Variants in NLGN1 observed in about 807,000 individuals in gnomAD.
NLGN1 encodes the protein neuroligin-1.
In NLGN1, 12 loss-of-function variants were observed where a neutral mutation model predicts 65.5. That is an observed-to-expected ratio of 0.18 (90% CI 0.12 to 0.30). The LOEUF is 0.30. Among genes scored for constraint, NLGN1 ranks in the 10% least tolerant of loss-of-function variants. NLGN1 has a pLI of 1.00. For missense variants in NLGN1, 750 were observed against 1,007.1 expected (o/e 0.74, Z 3.46); for synonymous variants, 350 against 359.5 (o/e 0.97, Z 0.30).
intron 4 of NLGN1, among the ~76,000 whole-genome samples, chr3:174,161,863 A>G (rs528895479): frequency 1.8e-3 from 267 of 151,966 alleles, no homozygotes; most frequent in Non-Finnish European, 3.0e-3. Flanking sequence ...CAATTTCTAT[A>G]TGTATTGAAA....
At chr3:174,257,694 G>A (rs1746050068) in intron 4 of NLGN1, among the ~76,000 whole-genome samples, 2 of 151,888 alleles carry the variant, frequency 1.3e-5, no homozygotes, top group East Asian at 3.9e-4. Context: ...ATTAATCAGA[G>A]TTGTCTAGAG....
chr3:173,560,319 T>C (rs1577276117), intron 2 of NLGN1, among the ~76,000 whole-genome samples: 1 of 130,112 alleles, frequency 7.7e-6, no homozygotes, highest in South Asian at 2.5e-4. Context: ...TGAGTAAAAA[T>C]AGGAAAGAAA....
exon 7 of NLGN1, chr3:174,286,598 T>C (rs1047631240): frequency 1.3e-5 from 2 of 151,648 alleles, no homozygotes; most frequent in African/African-American, 4.8e-5. Context: ...ATGGCTTTCA[T>C]TAAAAACGTG....
chr3:173,959,896 A>G (rs1713110704), intron 4 of NLGN1, among the ~76,000 whole-genome samples: 1 of 152,044 alleles, frequency 6.6e-6, no homozygotes, highest in Non-Finnish European at 1.5e-5. Context: ...AAATATTTTC[A>G]CCCACTTTTC....
chr3:173,781,805 G>C (rs1158339906), intron 3 of NLGN1, among the ~76,000 whole-genome samples: 1 of 152,220 alleles, frequency 6.6e-6, no homozygotes, highest in Non-Finnish European at 1.5e-5. Flanking sequence ...TTTTGAAAAA[G>C]ATGAAATATT....
chr3:173,955,928 C>G lies in NLGN1; in HGVS notation c.646+148096C>G, dbSNP rs948491860. On this transcript the variant is annotated intron_variant, in intron 4 of 6. Coordinates refer to ENST00000457714, the Ensembl canonical transcript of NLGN1. ...ACAATTAGAGGTCATTCCGAATACACAAGAATACATATAGTTTAACGTGAA... is the reference window on the plus strand; with the variant it reads ...ACAATTAGAGGTCATTCCGAATACAGAAGAATACATATAGTTTAACGTGAA... 2.0e-5 allele frequency among the ~76,000 whole-genome samples: 3 copies of G among 151,976 alleles called. No individual in the cohort carries two copies. In the East Asian group the frequency reaches 5.8e-4, roughly 29 times the overall value.
At chr3:173,560,862 C>G (rs1295539922) in intron 2 of NLGN1, among the ~76,000 whole-genome samples, 2 of 152,142 alleles carry the variant, frequency 1.3e-5, no homozygotes, top group African/African-American at 2.4e-5. Flanking sequence ...ATCAACATAT[C>G]TATATCTTTC....
intron 2 of NLGN1, among the ~76,000 whole-genome samples, chr3:173,500,513 C>CT (rs1017034553): frequency 4.0e-5 from 6 of 151,834 alleles, no homozygotes; most frequent in South Asian, 4.2e-4. Context: ...CTAAAATTCT[C>CT]TTTTTTTTGT....
chr3:173,706,984 T>C (rs1334176435), intron 3 of NLGN1, among the ~76,000 whole-genome samples: 1 of 152,256 alleles, frequency 6.6e-6, no homozygotes, highest in Non-Finnish European at 1.5e-5. Flanking sequence ...AGCCATTTTT[T>C]ATTGCTCCTG....
chr3:173,962,999 G>A (rs1431682864), intron 4 of NLGN1, among the ~76,000 whole-genome samples: 2 of 152,064 alleles, frequency 1.3e-5, no homozygotes, highest in Admixed American at 6.6e-5. Context: ...AGTTATGGTC[G>A]AGTTGCAATT....
intron 3 of NLGN1, among the ~76,000 whole-genome samples, chr3:173,645,519 C>T (rs1176816837): frequency 1.3e-5 from 2 of 152,192 alleles, no homozygotes; most frequent in Admixed American, 1.3e-4. Flanking sequence ...GGCAGTGTCT[C>T]CTCTCCACAG....
chr3:173,434,929 C>T (rs1717836200), intron 1 of NLGN1: 2 of 152,606 alleles, frequency 1.3e-5, no homozygotes, highest in East Asian at 1.9e-4. Flanking sequence ...ATTCACCCAC[C>T]ATTTGAAAAT....
chr3:173,606,147 T>C (rs1196491198), intron 3 of NLGN1, among the ~76,000 whole-genome samples: 1 of 152,086 alleles, frequency 6.6e-6, no homozygotes, highest in Non-Finnish European at 1.5e-5. Flanking sequence ...TCAGTCACTT[T>C]TCCAGAGGAG....
intron 3 of NLGN1, among the ~76,000 whole-genome samples, chr3:173,726,246 G>A (rs534227138): frequency 3.0e-4 from 45 of 151,708 alleles, no homozygotes; most frequent in African/African-American, 1.1e-3. Flanking sequence ...GGAACTTGTA[G>A]GAAGGAGTAA....
chr3:173,943,975 A>G (rs1746654175), intron 4 of NLGN1, among the ~76,000 whole-genome samples: 1 of 152,218 alleles, frequency 6.6e-6, no homozygotes, highest in African/African-American at 2.4e-5. Context: ...AAGAAGTGAC[A>G]AGAAATGCAG....
chr3:173,498,651 C>G (rs1040170361), intron 2 of NLGN1, among the ~76,000 whole-genome samples: 1 of 151,866 alleles, frequency 6.6e-6, no homozygotes, highest in African/African-American at 2.4e-5. Flanking sequence ...AATGCTTGAA[C>G]TAGCTTACAG....
intron 3 of NLGN1, among the ~76,000 whole-genome samples, chr3:173,688,336 C>G (rs1764975997): frequency 6.6e-6 from 1 of 152,166 alleles, no homozygotes; most frequent in Non-Finnish European, 1.5e-5. Context: ...ATTTCATTTG[C>G]TGTCCTAAGG....
Position 173,822,340 on chromosome 3 carries a change from C to A in NLGN1, c.646+14508C>A, listed in dbSNP as rs566222995. 3.3e-5 allele frequency among the ~76,000 whole-genome samples: 5 copies of A among 152,152 alleles called. No individual in the cohort carries two copies. In the South Asian group the frequency reaches 1.0e-3, roughly 32 times the overall value. On this transcript the variant is annotated intron_variant, in intron 4 of 6. Transcript: ENST00000457714. Reference sequence around the variant, plus strand: ...TCGGGGATTCCAATGGCCAAAAGACCCAGCAGGGGTGATTAATAAGTAATA... The same window carrying A: ...TCGGGGATTCCAATGGCCAAAAGACACAGCAGGGGTGATTAATAAGTAATA...
Position 174,191,497 on chromosome 3 carries a change from C to T in NLGN1, c.647-83818C>T, listed in dbSNP as rs562695085. Among the ~76,000 whole-genome samples the T allele has an allele frequency of 4.6e-5, 7 of 152,234 alleles. No homozygotes were observed. The South Asian group carries it at 8.3e-4, about 18-fold the overall frequency. Reference sequence around the variant, plus strand: ...ATTTGCTACACTGTTTGTCTCTTAACGGAGATCAAAGAATGAAGCTGGTTT... The same window carrying T: ...ATTTGCTACACTGTTTGTCTCTTAATGGAGATCAAAGAATGAAGCTGGTTT... On this transcript the variant is annotated intron_variant, in intron 4 of 6. Coordinates refer to ENST00000457714, the Ensembl canonical transcript of NLGN1.
Sources: gnomAD v4.1 joint callset for allele counts (sites outside exome capture counted in the v4.1 genomes callset) on GRCh38, gnomAD v4.1.1 for gene constraint, MANE v1.5 for transcripts, NCBI Gene and HGNC (gene_info 2026-07-23, HGNC 2026-07-21) for gene names.